The following CRELD2 variants were observed in gnomAD, a reference collection of about 807,000 sequenced individuals.
CRELD2 encodes the protein CRELD disulfide isomerase 2.
CRELD2 carries 33 observed loss-of-function variants against 48.1 expected under a neutral mutation model. The ratio of observed to expected loss-of-function variants is 0.69; its 90% CI spans 0.52 to 0.92. The LOEUF is 0.92. Among genes scored for constraint, CRELD2 ranks in the 40% least tolerant of loss-of-function variants. CRELD2 has a pLI of 0.00. For synonymous variants in CRELD2, 220 were observed against 203.9 expected (o/e 1.08, Z -0.67); for missense variants, 477 against 482.4 (o/e 0.99, Z 0.10).
intron 9 of CRELD2, chr22:49,925,848 A>G (rs1026253917): frequency 1.2e-5 from 10 of 864,440 alleles, no homozygotes; most frequent in African/African-American, 3.5e-5. Flanking sequence ...GAGCAGACGC[A>G]GGAGAAGAGG....
chr22:49,922,555 TC>T lies in CRELD2; in HGVS notation c.593-53del, dbSNP rs569206113. 2,352 of 1,486,926 alleles carry T rather than the reference TC, an allele frequency of 1.6e-3. 6 individuals are homozygous for T. The highest frequency in any genetic ancestry group is 2.1e-3 in the Non-Finnish European group (2,273 of 1,103,008). The allele number at this position is 1,486,926 out of a possible 1,614,324, so 92.1% of individuals were successfully genotyped here. A position where few individuals can be genotyped will look rare whatever the true frequency, so the allele number is the denominator to read the frequency against. The stretch of plus-strand genomic sequence containing the variant: ...ATTCCTCACTTTTAAACGAGCCTTG[TC>T]CCCAAGCTGGTACCTGAGAGTGGGG... On this transcript the variant is annotated intron_variant, in intron 5 of 9. Coordinates refer to ENST00000328268, the MANE Select transcript of CRELD2 (RefSeq NM_024324.5).
Position 49,920,178 on chromosome 22 carries a change from T to C in CRELD2, c.346T>C (p.Phe116Leu), listed in dbSNP as rs143216272. ...CAGGAAGAGCGAATATCCTGACTTA[T>C]TCGAGTGGTTTTGTGTGAAGACACT... is the stretch of plus-strand genomic sequence containing the variant. ...LQLKSEYPDL[F>L]EWFCVKTLKV... is the part of the protein sequence containing the mutation. Residue 116 changes from phenylalanine to leucine, a missense_variant, in exon 4 of 10, where the codon TTC becomes CTC. Coordinates refer to ENST00000328268, the MANE Select transcript of CRELD2 (RefSeq NM_024324.5). The C allele has an allele frequency of 2.7e-5, 43 of 1,612,926 alleles. No individual in the cohort carries two copies. In the Admixed American group the frequency reaches 6.7e-4, roughly 25 times the overall value.
At chr22:49,921,347 C>A in intron 4 of CRELD2, 1 of 545,212 alleles carries the variant, frequency 1.8e-6, no homozygotes, top group Non-Finnish European at 3.3e-6. Flanking sequence ...TAAACGTCAT[C>A]ATGCAGCACG....
intron 2 of CRELD2, 115 bp from the exon 3 acceptor site, chr22:49,919,615 C>G (rs2060656726): frequency 1.4e-6 from 1 of 732,638 alleles, no homozygotes; most frequent in South Asian, 1.9e-5. Flanking sequence ...CCCTTATTCT[C>G]TGTGCCCGGA....
intron 7 of CRELD2, 72 bp downstream of exon 7, chr22:49,923,389 A>C (rs762478799): frequency 3.4e-5 from 41 of 1,188,578 alleles, no homozygotes; most frequent in South Asian, 1.8e-4. Flanking sequence ...ACATTCATTT[A>C]TGGCTTCTTA....
intron 7 of CRELD2, chr22:49,923,679 C>T (rs1001058264): frequency 4.9e-5 from 20 of 406,372 alleles, no homozygotes; most frequent in Non-Finnish European, 7.8e-5. Flanking sequence ...GTTTCTCTGT[C>T]ACGCTAATGA....
intron 4 of CRELD2, chr22:49,921,316 A>C: frequency 2.0e-6 from 1 of 496,630 alleles, no homozygotes; most frequent in Admixed American, 3.6e-5. Context: ...CAGCTGTGCT[A>C]TGCAGGGTCC....
chr22:49,919,030 G>A (rs1004707766), intron 1 of CRELD2, 132 bp downstream of exon 1: 11 of 885,222 alleles, frequency 1.2e-5, no homozygotes, highest in Admixed American at 8.9e-5. Flanking sequence ...CTGGATTCGG[G>A]ATCCCCCTCA....
chr22:49,922,195 G>A (rs1470357802), intron 5 of CRELD2: 20 of 1,302,060 alleles, frequency 1.5e-5, no homozygotes, highest in African/African-American at 3.1e-5. Context: ...TGTCTCGGAC[G>A]TGAGTGTGTG....
intron 7 of CRELD2, chr22:49,923,720 CAAT>C (rs1164240880): frequency 4.4e-5 from 15 of 342,704 alleles, no homozygotes; most frequent in Middle Eastern, 9.9e-4. Context: ...ACTTTTACAA[CAAT>C]GTCTGTTGCT....
rs1601835990 is a variant in CRELD2, at chr22:49,919,285, A to G, written c.185A>G (p.Glu62Gly). 6.2e-7 allele frequency: 1 copy of G among 1,613,494 alleles called. No homozygotes were observed. The highest frequency in any genetic ancestry group is 8.5e-7 in the Non-Finnish European group (1 of 1,179,906). The part of the protein sequence containing the change: ...NFGGGNTAWE[E>G]KTLSKYESSE... ...GGCGGCGGGAACACGGCTTGGGAGG[A>G]AAAGACGCTGTCCAAGTACGAGTCC... Residue 62 changes from glutamate (E) to glycine (G), a missense_variant, in exon 2 of 10, where the codon GAA becomes GGA. By Grantham distance (98) the Glu-to-Gly change is moderately conservative. Coordinates refer to ENST00000328268, the MANE Select transcript of CRELD2 (RefSeq NM_024324.5).
Position 49,924,461 on chromosome 22 carries a change from T to A in CRELD2, c.868+6T>A. 6.3e-7 allele frequency: 1 copy of A among 1,592,168 alleles called. No homozygotes were observed. Among genetic ancestry groups the A allele is most frequent in the Non-Finnish European group, 8.6e-7 (1 of 1,166,782 alleles). On this transcript the variant is annotated splice_donor_region_variant and intron_variant, in intron 8 of 9. Transcript: ENST00000328268. Reference sequence around the variant, plus strand: ...GGAGCACGGACAGTGTGCAGGTCAGTGACGGGGTCTGTGCTGGACGCTGGT... The same window carrying A: ...GGAGCACGGACAGTGTGCAGGTCAGAGACGGGGTCTGTGCTGGACGCTGGT...
intron 8 of CRELD2, 192 bp from the exon 9 acceptor site, chr22:49,925,225 G>GT: frequency 2.0e-6 from 1 of 508,218 alleles, no homozygotes; most frequent in Non-Finnish European, 3.5e-6. Context: ...TTTTCTACCA[G>GT]TTGAGGGCCC....
rs747719941 is a variant in CRELD2 at position 49,922,661 on chromosome 22, C to T, written c.642C>T (p.Cys214=). 3.3e-5 allele frequency: 52 copies of T among 1,565,934 alleles called. No homozygotes were observed. The East Asian group carries it at 4.4e-4, about 13-fold the overall frequency. ...GCTCGGGCCTGACCAACAGAGACTG[C>T]GGCGAGTGTGAAGTGGGCTGGGTGC... ...KTCSGLTNRD[C]GECEVGWVLD... The change falls in exon 6 of 10, where the codon TGC becomes TGT. Residue 214 remains cysteine, a synonymous_variant. Coordinates refer to ENST00000328268, the MANE Select transcript of CRELD2 (RefSeq NM_024324.5).
intron 1 of CRELD2, 54 bp from the exon 2 acceptor site, chr22:49,919,173 CCCA>C: frequency 6.4e-7 from 1 of 1,553,084 alleles, no homozygotes; most frequent in Non-Finnish European, 8.9e-7. Context: ...TGGGCTCGCC[CCCA>C]CCCTGGACCC....
chr22:49,924,439 G>A lies in CRELD2; in HGVS notation c.852G>A (p.Glu284=), dbSNP rs2060736999. 2 of 1,608,328 alleles carry A rather than the reference G, an allele frequency of 1.2e-6. No individual in the cohort carries two copies. Among genetic ancestry groups the A allele is most frequent in the South Asian group, 2.2e-5 (2 of 89,930 alleles). ...CKECISGYAR[E]HGQCADVDEC... ...AGTGTATCTCTGGCTACGCGAGGGA[G>A]CACGGACAGTGTGCAGGTCAGTGAC... The change falls in exon 8 of 10, where the codon GAG becomes GAA. Residue 284 remains glutamate (E), a synonymous_variant. Coordinates refer to ENST00000328268, the MANE Select transcript of CRELD2 (RefSeq NM_024324.5).
At chr22:49,919,950 C>T (rs1468047885) in intron 3 of CRELD2, 110 bp downstream of exon 3, 9 of 882,248 alleles carry the variant, frequency 1.0e-5, no homozygotes, top group East Asian at 5.3e-5. Flanking sequence ...CCACCTGCCT[C>T]GCACCCACCT....
chr22:49,925,589 G>A (rs779568145), intron 9 of CRELD2, 32 bp downstream of exon 9: 62 of 1,611,398 alleles, frequency 3.8e-5, no homozygotes, highest in Non-Finnish European at 5.1e-5. Context: ...CACACAGGCT[G>A]CCCTCCCCTG....
rs777875561 is a variant in CRELD2, at chr22:49,927,301, C to T, written c.1056C>T (p.Asp352=). The change falls in exon 10 of 10, where the codon GAC becomes GAT. Residue 352 remains aspartate (D), a synonymous_variant. Transcript: ENST00000328268. ...ESPTQLPSRE[D]L is the part of the protein sequence containing the mutation. Reference sequence around the variant, plus strand: ...CGACACAGCTGCCCTCCCGCGAAGACCTGTAATGTGCCGGACTTACCCTTT... The same window carrying T: ...CGACACAGCTGCCCTCCCGCGAAGATCTGTAATGTGCCGGACTTACCCTTT... 2 of 1,611,936 alleles carry T rather than the reference C, an allele frequency of 1.2e-6. No homozygotes were observed. Among genetic ancestry groups the T allele is most frequent in the Non-Finnish European group, 1.7e-6 (2 of 1,179,300 alleles).
Sources: gnomAD v4.1 joint callset for allele counts on GRCh38, gnomAD v4.1.1 for gene constraint, MANE v1.5 for transcripts, NCBI Gene and HGNC (gene_info 2026-07-23, HGNC 2026-07-21) for gene names.